Variants in RERE observed in about 807,000 individuals in gnomAD.
RERE encodes the protein arginine-glutamic acid dipeptide repeats.
A neutral mutation model predicts 146.1 loss-of-function variants in RERE; 40 were observed. The observed-to-expected ratio is 0.27, with a 90% confidence interval of 0.21 to 0.36. The LOEUF is 0.36. Ranked by LOEUF, RERE falls within the 10% of genes least tolerant of loss-of-function variation. RERE has a pLI of 1.00. For synonymous variants in RERE, 1,003 were observed against 866.0 expected (o/e 1.16, Z -2.78); for missense variants, 1,933 against 2,138.7 (o/e 0.90, Z 1.90).
At chr1:8,454,504 TA>T (rs944584455) in intron 11 of RERE, among the ~76,000 whole-genome samples, 17 of 146,546 alleles carry the variant, frequency 1.2e-4, no homozygotes, top group Admixed American at 1.4e-4. Context: ...TTTTTTAGAT[TA>T]AAAAAAAAAA....
At position 8,356,779 on chromosome 1, in the gene RERE, G is replaced by A. The variant is rs972498529; in HGVS notation, c.4340-533C>T. On this transcript the variant is annotated intron_variant, in intron 20 of 22. Transcript: ENST00000400908. The surrounding 1 kb of genome is among the most constrained non-coding windows in gnomAD (Gnocchi z 5.2). ...AATCTTGCGTCTCTCCCTTCAGAAC[G>A]TTGCCTTGATCTGACCTCACTGCAC... 1.3e-5 allele frequency among the ~76,000 whole-genome samples: 2 copies of A among 152,120 alleles called. No homozygotes were observed. The highest frequency in any genetic ancestry group is 2.9e-5 in the Non-Finnish European group (2 of 68,010).
chr1:8,472,344 T>C (rs1370684526), intron 10 of RERE, among the ~76,000 whole-genome samples: 2 of 152,222 alleles, frequency 1.3e-5, no homozygotes, highest in African/African-American at 4.8e-5. Flanking sequence ...TCTAAACACC[T>C]GATCACGACC....
chr1:8,695,332 A>G (rs754113224), intron 1 of RERE, among the ~76,000 whole-genome samples: 4 of 152,052 alleles, frequency 2.6e-5, no homozygotes, highest in Non-Finnish European at 4.4e-5. Context: ...CCTAAAAAAC[A>G]CCATTCCGAC....
At chr1:8,612,899 G>C (rs1646809516) in intron 4 of RERE, among the ~76,000 whole-genome samples, 1 of 152,104 alleles carries the variant, frequency 6.6e-6, no homozygotes, top group Non-Finnish European at 1.5e-5. Context: ...TACTACACTG[G>C]GTTCTGTCTT....
intron 1 of RERE, among the ~76,000 whole-genome samples, chr1:8,740,684 T>C (rs908016615): frequency 6.6e-5 from 10 of 152,214 alleles, no homozygotes; most frequent in Non-Finnish European, 1.5e-5. Flanking sequence ...TTTTAATGTT[T>C]TTGTTGAAAA....
intron 8 of RERE, among the ~76,000 whole-genome samples, chr1:8,505,818 A>G (rs1011945771): frequency 6.6e-6 from 1 of 152,264 alleles, no homozygotes; most frequent in Non-Finnish European, 1.5e-5. Context: ...GGCGTGAGCC[A>G]AAAGTCAAAA....
Position 8,603,715 on chromosome 1 carries a change from A to C in RERE, c.522+10846T>G, listed in dbSNP as rs191188070. Among the ~76,000 whole-genome samples, 28 of 152,322 alleles carry C rather than the reference A, an allele frequency of 1.8e-4. No individual in the cohort carries two copies. In the East Asian group the frequency reaches 4.8e-3, roughly 26 times the overall value. ...TGAAGTAAACATACTCAAGTTTCAA[A>C]AACATGAAAGACCCTGGAACTGCAT... is the stretch of plus-strand genomic sequence containing the variant. On this transcript the variant is annotated intron_variant, in intron 4 of 22. Coordinates refer to ENST00000400908, the MANE Select transcript of RERE (RefSeq NM_001042681.2).
chr1:8,770,274 G>A lies in RERE; in HGVS notation c.-145+46886C>T, dbSNP rs558439652. On this transcript the variant is annotated intron_variant, in intron 1 of 22. Transcript: ENST00000400908. The stretch of plus-strand genomic sequence containing the variant: ...GAAATAGTTAAGGTATTATCATGAG[G>A]TACAGTACCTGACACAGAATGGGTA... Among the ~76,000 whole-genome samples the A allele has an allele frequency of 2.6e-3, 402 of 152,050 alleles. 3 individuals carry two copies. The highest frequency in any genetic ancestry group is 9.2e-3 in the African/African-American group (383 of 41,458).
chr1:8,535,298 CA>C (rs1210622838), intron 7 of RERE, among the ~76,000 whole-genome samples: 3 of 152,096 alleles, frequency 2.0e-5, no homozygotes, highest in Non-Finnish European at 4.4e-5. Context: ...TCCATAATGC[CA>C]AACAAGATCC....
intron 1 of RERE, among the ~76,000 whole-genome samples, chr1:8,714,378 G>A (rs912605172): frequency 4.6e-5 from 7 of 152,140 alleles, no homozygotes; most frequent in Non-Finnish European, 7.3e-5. Context: ...ATGCTCTGGC[G>A]TCTTTCCTGA....
intron 10 of RERE, among the ~76,000 whole-genome samples, chr1:8,468,036 T>C (rs1043512661): frequency 6.6e-6 from 1 of 152,212 alleles, no homozygotes; most frequent in African/African-American, 2.4e-5. Context: ...GGCACTAATT[T>C]ATTTTAAATC....
chr1:8,617,740 G>A (rs187793361), intron 3 of RERE, among the ~76,000 whole-genome samples: 35 of 152,284 alleles, frequency 2.3e-4, no homozygotes, highest in Admixed American at 5.9e-4. Context: ...AGGTTCACAC[G>A]TATACTAGGC....
At chr1:8,608,029 C>T (rs183542915) in intron 4 of RERE, among the ~76,000 whole-genome samples, 4 of 151,828 alleles carry the variant, frequency 2.6e-5, no homozygotes, top group African/African-American at 7.3e-5. Context: ...CCCAGCCTAA[C>T]GTTTTTGTTT....
chr1:8,398,560 T>C (rs1008625644), intron 12 of RERE, among the ~76,000 whole-genome samples: 8 of 152,244 alleles, frequency 5.3e-5, no homozygotes, highest in Admixed American at 2.0e-4. Context: ...ACATCTGTTA[T>C]CAGTCTTAAA....
intron 4 of RERE, among the ~76,000 whole-genome samples, chr1:8,597,336 G>A (rs1035785894): frequency 6.6e-6 from 1 of 152,046 alleles, no homozygotes; most frequent in Non-Finnish European, 1.5e-5. Context: ...CAATCCACCC[G>A]CTGCCTCAGC....
Position 8,745,300 on chromosome 1 carries a change from G to T in RERE, c.-145+71860C>A, listed in dbSNP as rs1023962545. ...GCCTGCTTTGCCTTTTGCCATGATT[G>T]TAAGTTTCCTGAGGCCTCTCCAGCT... On this transcript the variant is annotated intron_variant, in intron 1 of 22. Transcript: ENST00000400908. 3.9e-5 allele frequency among the ~76,000 whole-genome samples: 6 copies of T among 152,212 alleles called. No homozygotes were observed. The East Asian group carries it at 9.6e-4, about 24-fold the overall frequency.
At chr1:8,686,539 C>T (rs1447725120) in intron 1 of RERE, among the ~76,000 whole-genome samples, 8 of 152,138 alleles carry the variant, frequency 5.3e-5, no homozygotes, top group Non-Finnish European at 8.8e-5. Flanking sequence ...CACCTGAGGT[C>T]AGGAGTTCAA....
intron 6 of RERE, 63 bp from the exon 7 acceptor site, chr1:8,541,381 AGGGG>A: frequency 1.0e-6 from 1 of 978,576 alleles, no homozygotes; most frequent in Non-Finnish European, 1.6e-6. Flanking sequence ...CCAAAACTGG[AGGGG>A]GAAGGGTGGA....
intron 8 of RERE, among the ~76,000 whole-genome samples, chr1:8,501,845 G>A (rs1469223961): frequency 8.2e-6 from 1 of 122,512 alleles, no homozygotes; most frequent in Non-Finnish European, 1.7e-5. Flanking sequence ...GGGAAGTGAG[G>A]ACCCCTCTGC....
Sources: allele counts gnomAD v4.1 joint callset (sites outside exome capture counted in the v4.1 genomes callset), GRCh38; gene constraint gnomAD v4.1.1; non-coding constraint Gnocchi (gnomAD v3.1); transcripts MANE v1.5; gene names NCBI Gene and HGNC (gene_info 2026-07-23, HGNC 2026-07-21).